The following ASIC2 variants were observed in gnomAD, a reference collection of about 807,000 sequenced individuals.
ASIC2 encodes the protein acid sensing ion channel subunit 2, also known as acid-sensing ion channel 2.
ASIC2 carries 25 observed loss-of-function variants against 57.3 expected under a neutral mutation model. The ratio of observed to expected loss-of-function variants is 0.44; its 90% CI spans 0.32 to 0.61. The LOEUF (loss-of-function observed/expected upper bound fraction) is 0.61, where lower values mean the gene tolerates loss of function less well. ASIC2 is among the 20% of genes least tolerant of loss of function. The pLI, the probability that ASIC2 is intolerant of heterozygous loss-of-function variation, is 0.06. For missense variants in ASIC2, 641 were observed against 738.1 expected, an observed-to-expected ratio of 0.87 and a Z score of 1.52; for synonymous variants, 319 against 307.5, an observed-to-expected ratio of 1.04 and a Z score of -0.39.
chr17:34,083,592 C>T (rs1244203491), intron 1 of ASIC2, among the ~76,000 whole-genome samples: 10 of 152,206 alleles, frequency 6.6e-5, no homozygotes, highest in South Asian at 4.2e-4. Context: ...CCTGAGGAAT[C>T]GCCACACTGA....
At chr17:34,150,226 G>C (rs1424915643) in intron 1 of ASIC2, among the ~76,000 whole-genome samples, 1 of 152,130 alleles carries the variant, frequency 6.6e-6, no homozygotes, top group African/African-American at 2.4e-5. Flanking sequence ...GTGATTACTG[G>C]GGACTGGGGA....
At chr17:33,489,805 A>G (rs1234051842) in intron 1 of ASIC2, among the ~76,000 whole-genome samples, 3 of 152,168 alleles carry the variant, frequency 2.0e-5, no homozygotes, top group African/African-American at 7.2e-5. Context: ...ATTCCCCAGG[A>G]CTGTACCATG....
intron 1 of ASIC2, chr17:34,006,385 T>G (rs4583296): frequency 0.32 from 49,080 of 152,170 alleles, 10,742 homozygotes; most frequent in African/African-American, 0.6. Context: ...TGAAATGGGA[T>G]GGAGGAGATG....
intron 1 of ASIC2, among the ~76,000 whole-genome samples, chr17:33,869,708 G>A (rs1006433500): frequency 1.3e-5 from 2 of 152,188 alleles, no homozygotes; most frequent in Non-Finnish European, 2.9e-5. Flanking sequence ...AGAGGCCAAT[G>A]GAAATTAATG....
intron 1 of ASIC2, among the ~76,000 whole-genome samples, chr17:33,712,635 G>GT (rs1567695931): frequency 8.9e-5 from 11 of 123,296 alleles, no homozygotes; most frequent in African/African-American, 2.3e-4. Context: ...TACTCATATG[G>GT]CTTTTTTTTT....
intron 1 of ASIC2, among the ~76,000 whole-genome samples, chr17:34,086,765 G>A (rs1180579653): frequency 6.6e-6 from 1 of 152,212 alleles, no homozygotes; most frequent in Non-Finnish European, 1.5e-5. Flanking sequence ...AGCTCTTCTT[G>A]TTGAATTGAT....
intron 1 of ASIC2, among the ~76,000 whole-genome samples, chr17:33,688,255 A>G (rs983892818): frequency 6.6e-6 from 1 of 152,186 alleles, no homozygotes; most frequent in Non-Finnish European, 1.5e-5. Flanking sequence ...GTGTGTGTTT[A>G]GATTAAAGAT....
chr17:33,658,904 G>A (rs1464539901), intron 1 of ASIC2, among the ~76,000 whole-genome samples: 1 of 152,214 alleles, frequency 6.6e-6, no homozygotes, highest in Admixed American at 6.5e-5. Context: ...TCGGGAGGCT[G>A]AGGCAAGAGA....
chr17:33,512,508 T>C (rs769521393), intron 1 of ASIC2, among the ~76,000 whole-genome samples: 6 of 152,196 alleles, frequency 3.9e-5, no homozygotes, highest in African/African-American at 9.7e-5. Context: ...TGCAGAGTTA[T>C]AGTGTGAAGA....
At chr17:33,812,698 T>C (rs1434189333) in intron 1 of ASIC2, among the ~76,000 whole-genome samples, 1 of 152,110 alleles carries the variant, frequency 6.6e-6, no homozygotes, top group Non-Finnish European at 1.5e-5. Flanking sequence ...AAGAGGGATG[T>C]GGAAATGACT....
intron 3 of ASIC2, among the ~76,000 whole-genome samples, chr17:33,073,425 A>C (rs2092077048): frequency 6.6e-6 from 1 of 152,136 alleles, no homozygotes; most frequent in African/African-American, 2.4e-5. Flanking sequence ...CAGGCTTTGG[A>C]ATCTGAAAGG....
chr17:33,232,449 G>GGTATA (rs1567792739), intron 1 of ASIC2, among the ~76,000 whole-genome samples: 4 of 128,448 alleles, frequency 3.1e-5, no homozygotes, highest in Non-Finnish European at 6.4e-5. Flanking sequence ...GGTATGGAAT[G>GGTATA]GTATGGTATG....
At chr17:33,577,363 C>T (rs1158055647) in intron 1 of ASIC2, among the ~76,000 whole-genome samples, 1 of 152,126 alleles carries the variant, frequency 6.6e-6, no homozygotes, top group Admixed American at 6.5e-5. Context: ...AACAGCTTTG[C>T]TCCTTCTGGA....
intron 1 of ASIC2, among the ~76,000 whole-genome samples, chr17:34,023,004 G>GTAAGACATGTCTGCTCCCCCT (rs1907238652): frequency 1.3e-5 from 2 of 152,146 alleles, no homozygotes; most frequent in African/African-American, 4.8e-5. Context: ...CTCTGGCCAC[G>GTAAGACATGTCTGCTCCCCCT]TAAGACATGT....
At chr17:33,154,035 T>G (rs951527967) in intron 1 of ASIC2, among the ~76,000 whole-genome samples, 5 of 152,156 alleles carry the variant, frequency 3.3e-5, no homozygotes, top group African/African-American at 1.2e-4. Context: ...TCCTGCAGAC[T>G]GAACTCTACC....
intron 1 of ASIC2, among the ~76,000 whole-genome samples, chr17:33,323,259 A>G (rs1906940443): frequency 1.3e-5 from 2 of 152,246 alleles, no homozygotes; most frequent in South Asian, 4.1e-4. Context: ...TATTCCTACT[A>G]GCCACAGACT....
chr17:33,013,776 C>T lies in ASIC2; in HGVS notation c.*189G>A, dbSNP rs549935475. ...CATCTCTCCTAAGAGGGACGCACGG[C>T]GGGGCCCAAGGATGCGTCGTGTTGG... On this transcript the variant is annotated 3_prime_UTR_variant, in exon 10 of 10. Transcript: ENST00000225823. 3.4e-5 allele frequency: 21 copies of T among 615,832 alleles called. No homozygotes were observed. The highest frequency in any genetic ancestry group is 2.2e-4 in the African/African-American group (12 of 54,298). 38.1% of individuals were successfully genotyped at this position (615,832 alleles called of 1,614,324 possible).
At chr17:33,637,706 T>C (rs887017953) in intron 1 of ASIC2, among the ~76,000 whole-genome samples, 5 of 152,238 alleles carry the variant, frequency 3.3e-5, no homozygotes, top group African/African-American at 1.2e-4. Flanking sequence ...ACCACATCCT[T>C]GTCAACATTG....
At chr17:34,060,659 A>G (rs1240344877) in intron 1 of ASIC2, among the ~76,000 whole-genome samples, 1 of 152,206 alleles carries the variant, frequency 6.6e-6, no homozygotes, top group East Asian at 1.9e-4. Flanking sequence ...AAAACAAGCA[A>G]AAATTCAGGA....
Sources: gnomAD v4.1 joint callset for allele counts (sites outside exome capture counted in the v4.1 genomes callset) on GRCh38, gnomAD v4.1.1 for gene constraint, MANE v1.5 for transcripts, NCBI Gene and HGNC (gene_info 2026-07-23, HGNC 2026-07-21) for gene names.